Variants in NPHP1 observed in about 807,000 individuals in gnomAD.
NPHP1 encodes nephrocystin 1.
In NPHP1, 70 loss-of-function variants were observed where a neutral mutation model predicts 90.4. The observed-to-expected ratio is 0.77, with a 90% CI of 0.64 to 0.95. The LOEUF is 0.95. Among genes scored for constraint, NPHP1 ranks in the 40% least tolerant of loss-of-function variants. NPHP1 has a pLI of 0.00. For missense variants in NPHP1, 764 were observed against 795.9 expected, an observed-to-expected ratio of 0.96 and a Z score of 0.48; for synonymous variants, 256 against 271.7, an observed-to-expected ratio of 0.94 and a Z score of 0.57.
In NPHP1 at chr2:110,156,073, C is replaced by CTT. The variant is rs35055335; in HGVS notation, c.1083+4052_1083+4053dup. On this transcript the variant is annotated intron_variant, in intron 11 of 19. Coordinates refer to ENST00000445609, the MANE Select transcript of NPHP1 (RefSeq NM_001128178.3). ...GATTGAATTATGGAGGCAGGTCTTT[C>CTT]TTTTTTTTTTTTTTTGAGACAAGAG... Among the ~76,000 whole-genome samples, 1,079 of 142,022 alleles carry CTT rather than the reference C, an allele frequency of 7.6e-3. 8 individuals carry two copies. The highest frequency in any genetic ancestry group is 9.0e-3 in the African/African-American group (347 of 38,540). The allele number at this position is 142,022 out of a possible 152,430, so 93.2% of individuals were successfully genotyped here.
rs753950057 is a variant in NPHP1 at position 110,178,547 on chromosome 2, C to G, written c.205G>C (p.Ala69Pro). 2 of 1,610,268 alleles carry G rather than the reference C, an allele frequency of 1.2e-6. No individual in the cohort carries two copies. Among genetic ancestry groups the G allele is most frequent in the Non-Finnish European group, 8.5e-7 (1 of 1,178,894 alleles). ...TTTGCAACAGGTGCAGATTCATCAGCCTATGAGAGAATATAGGTCTATTTC... is the reference window on the plus strand; with the variant it reads ...TTTGCAACAGGTGCAGATTCATCAGGCTATGAGAGAATATAGGTCTATTTC... Reference protein sequence around the residue: ...NKNALQKLSKADESAPVANYN... With the variant: ...NKNALQKLSKPDESAPVANYN... Residue 69 changes from alanine to proline, a missense_variant and splice_region_variant, in exon 4 of 20, where the codon GCT becomes CCT. Coordinates refer to ENST00000445609, the MANE Select transcript of NPHP1 (RefSeq NM_001128178.3).
intron 2 of NPHP1, 39 bp downstream of exon 2, chr2:110,201,382 G>T: frequency 7.9e-7 from 1 of 1,264,020 alleles, no homozygotes; most frequent in Non-Finnish European, 1.2e-6. Flanking sequence ...AAATGTAAGT[G>T]CGGTTCCTGT....
chr2:110,126,589 A>G (rs1328884552), intron 18 of NPHP1: 1 of 152,576 alleles, frequency 6.6e-6, no homozygotes, highest in Non-Finnish European at 1.5e-5. Flanking sequence ...GGTCCTTAGG[A>G]GTTTGAAGAG....
intron 2 of NPHP1, among the ~76,000 whole-genome samples, chr2:110,183,656 C>G (rs1046916540): frequency 2.0e-5 from 3 of 152,092 alleles, no homozygotes; most frequent in African/African-American, 7.2e-5. Context: ...ATTCATACAG[C>G]AAGTTCTTAT....
intron 11 of NPHP1, among the ~76,000 whole-genome samples, chr2:110,151,313 T>C (rs1009306635): frequency 1.3e-5 from 2 of 152,108 alleles, no homozygotes; most frequent in African/African-American, 4.8e-5. Flanking sequence ...TATATTTTTA[T>C]TGAAATTCAA....
intron 2 of NPHP1, among the ~76,000 whole-genome samples, chr2:110,196,658 A>G (rs1036454103): frequency 6.6e-6 from 1 of 152,214 alleles, no homozygotes; most frequent in Non-Finnish European, 1.5e-5. Context: ...TACTGGGTAT[A>G]TACCCAAAGG....
chr2:110,157,515 C>A (rs768454850), intron 11 of NPHP1, among the ~76,000 whole-genome samples: 1 of 152,078 alleles, frequency 6.6e-6, no homozygotes, highest in African/African-American at 2.4e-5. Context: ...TCAGCATGTG[C>A]AAAACCAAGC....
chr2:110,138,388 C>T (rs1022758894), intron 16 of NPHP1, among the ~76,000 whole-genome samples: 2 of 152,072 alleles, frequency 1.3e-5, no homozygotes, highest in African/African-American at 2.4e-5. Flanking sequence ...CTAGAAACAT[C>T]TAAAAATATA....
chr2:110,138,885 C>A (rs977190783), intron 16 of NPHP1, among the ~76,000 whole-genome samples: 1 of 152,106 alleles, frequency 6.6e-6, no homozygotes, highest in African/African-American at 2.4e-5. Context: ...TTCCTTCTGG[C>A]ACTTTCTCAC....
chr2:110,168,512 A>C lies in NPHP1; in HGVS notation c.564T>G (p.Gly188=). 6.2e-7 allele frequency: 1 copy of C among 1,613,384 alleles called. No individual in the cohort carries two copies. The highest frequency in any genetic ancestry group is 8.5e-7 in the Non-Finnish European group (1 of 1,179,454). The stretch of plus-strand genomic sequence containing the variant: ...CTTTGGCATCCTTAGCTATCCACCA[A>C]CCATCAGGTTTTTTTTCAATTACAA... ...ILLVIEKKPD[G]WWIAKDAKGN... The change falls in exon 6 of 20, where the codon GGT becomes GGG. Residue 188 remains glycine, a synonymous_variant. Transcript: ENST00000445609.
chr2:110,198,990 A>C (rs150630119), intron 2 of NPHP1, among the ~76,000 whole-genome samples: 1 of 152,228 alleles, frequency 6.6e-6, no homozygotes, highest in Non-Finnish European at 1.5e-5. Flanking sequence ...GAGAAAGCAA[A>C]GACAATTCAG....
chr2:110,184,837 C>G (rs1684169696), intron 2 of NPHP1: 2 of 705,772 alleles, frequency 2.8e-6, no homozygotes, highest in Non-Finnish European at 5.3e-6. Flanking sequence ...TTGGTCCTTC[C>G]CAATTCCGGG....
At chr2:110,141,845 C>A (rs972776931) in intron 16 of NPHP1, among the ~76,000 whole-genome samples, 1 of 151,546 alleles carries the variant, frequency 6.6e-6, no homozygotes, top group African/African-American at 2.4e-5. Flanking sequence ...TGGTGGCGGG[C>A]GCCTGTAGTC....
intron 14 of NPHP1, among the ~76,000 whole-genome samples, 176 bp downstream of exon 14, chr2:110,146,577 G>A (rs2104491346): frequency 6.6e-6 from 1 of 152,240 alleles, no homozygotes; most frequent in East Asian, 1.9e-4. Context: ...TTCCTCCTTA[G>A]GATGAGACTG....
At chr2:110,162,236 T>C (rs551816186) in intron 9 of NPHP1, among the ~76,000 whole-genome samples, 1 of 152,118 alleles carries the variant, frequency 6.6e-6, no homozygotes, top group African/African-American at 2.4e-5. Context: ...TACAGTTGAA[T>C]GGGAGGAAAA....
Position 110,123,735 on chromosome 2 carries a change from A to G in NPHP1, c.*56T>C. ...TTTGGTTCCATCATTTTATTCACGT[A>G]ATCGTGGAGGATCCATCTGATTCCG... On this transcript the variant is annotated 3_prime_UTR_variant, in exon 20 of 20. Coordinates refer to ENST00000445609, the MANE Select transcript of NPHP1 (RefSeq NM_001128178.3). 1 of 1,580,704 alleles carries G rather than the reference A, an allele frequency of 6.3e-7. No individual in the cohort carries two copies. The highest frequency in any genetic ancestry group is 8.7e-7 in the Non-Finnish European group (1 of 1,150,914).
At chr2:110,124,959 T>C (rs1433348191) in intron 19 of NPHP1, 2 of 403,920 alleles carry the variant, frequency 5.0e-6, no homozygotes, top group East Asian at 4.1e-5. Context: ...ACTGGTAAAG[T>C]ATGGACTGTG....
At chr2:110,144,780 T>C (rs1680895788) in intron 14 of NPHP1, among the ~76,000 whole-genome samples, 1 of 152,154 alleles carries the variant, frequency 6.6e-6, no homozygotes, top group African/African-American at 2.4e-5. Context: ...TGCAGAAAAT[T>C]ATCTTTCCTA....
At chr2:110,160,043 G>T in intron 11 of NPHP1, 84 bp downstream of exon 11, 2 of 1,417,360 alleles carry the variant, frequency 1.4e-6, no homozygotes, top group Non-Finnish European at 2.0e-6. Context: ...CTTGGGAATT[G>T]GGGAGGAGTT....
Sources: gnomAD v4.1 joint callset for allele counts (sites outside exome capture counted in the v4.1 genomes callset) on GRCh38, gnomAD v4.1.1 for gene constraint, MANE v1.5 for transcripts, NCBI Gene and HGNC (gene_info 2026-07-23, HGNC 2026-07-21) for gene names.